PRDM15: variants seen among roughly 807,000 people sequenced by gnomAD.
PRDM15 encodes PR domain zinc finger protein 15.
Under a neutral mutation model 128.6 loss-of-function variants are expected in PRDM15, and 64 were observed. The observed-to-expected ratio is 0.50, with a 90% confidence interval of 0.41 to 0.61. The LOEUF (loss-of-function observed/expected upper bound fraction) is 0.61. Among genes scored for constraint, PRDM15 ranks in the 20% least tolerant of loss-of-function variants. The pLI is 0.00. For missense variants in PRDM15, 1,242 were observed against 1,569.1 expected (o/e 0.79, Z 3.52); for synonymous variants, 615 against 621.8 (o/e 0.99, Z 0.16).
At chr21:41,809,041 G>A (rs563147133) in intron 21 of PRDM15, among the ~76,000 whole-genome samples, 3 of 152,180 alleles carry the variant, frequency 2.0e-5, no homozygotes, top group Non-Finnish European at 4.4e-5. Context: ...CGCCGCTACC[G>A]TTTGCTTTTC....
intron 3 of PRDM15, chr21:41,858,931 C>T (rs754221450): frequency 8.7e-6 from 8 of 918,100 alleles, no homozygotes; most frequent in Non-Finnish European, 1.1e-5. Flanking sequence ...GCAGCACGTG[C>T]CAGGTACCAT....
intron 1 of PRDM15, chr21:41,867,170 C>A (rs1245585329): frequency 3.0e-6 from 2 of 675,836 alleles, no homozygotes; most frequent in Non-Finnish European, 5.1e-6. Context: ...GAGTTTTGCA[C>A]AGATTTTCTA....
chr21:41,818,581 C>G (rs1309528908), intron 18 of PRDM15, among the ~76,000 whole-genome samples: 1 of 152,160 alleles, frequency 6.6e-6, no homozygotes, highest in African/African-American at 2.4e-5. Context: ...GACCCCCTTT[C>G]TGGCCTTTTC....
intron 14 of PRDM15, 95 bp downstream of exon 14, chr21:41,823,223 C>T (rs757288953): frequency 2.0e-6 from 3 of 1,492,444 alleles, no homozygotes; most frequent in Non-Finnish European, 2.7e-6. Context: ...AGAAGCTGCC[C>T]TGCCCACAGA....
intron 1 of PRDM15, among the ~76,000 whole-genome samples, chr21:41,872,803 G>A (rs548929410): frequency 4.6e-5 from 7 of 152,302 alleles, no homozygotes; most frequent in Admixed American, 1.3e-4. Flanking sequence ...CACTGGATTC[G>A]GCTGGAAGAA....
At chr21:41,833,182 C>T (rs1170515915) in intron 11 of PRDM15, among the ~76,000 whole-genome samples, 1 of 152,196 alleles carries the variant, frequency 6.6e-6, no homozygotes, top group Non-Finnish European at 1.5e-5. Flanking sequence ...TAGCACAGTA[C>T]TTATGGTCAG....
rs538756362 is a variant in PRDM15, at chr21:41,818,297, G to A, written c.2260+1285C>T. On this transcript the variant is annotated intron_variant, in intron 18 of 23. Transcript: ENST00000398548. ...TCTGTTCAGAGAAACCACCTGTCCC[G>A]CTAAGGCAGGCAGACATTGCTACTG... is the stretch of plus-strand genomic sequence containing the variant. Among the ~76,000 whole-genome samples, 4 of 152,324 alleles carry A rather than the reference G, an allele frequency of 2.6e-5. No individual in the cohort carries two copies. The East Asian group carries it at 5.8e-4, about 22-fold the overall frequency.
At chr21:41,858,241 T>C (rs1282302589) in intron 3 of PRDM15, among the ~76,000 whole-genome samples, 1 of 152,118 alleles carries the variant, frequency 6.6e-6, no homozygotes, top group Non-Finnish European at 1.5e-5. Flanking sequence ...GAGGAAGGCA[T>C]AGGAGCCGGG....
rs143736736 is a variant in PRDM15, at chr21:41,798,284, A to G, written c.*2956T>C. ...ATCATACAACCTGATGTGACAGGAA[A>G]TACAGCCAACATCTCCAAACAGTCT... On this transcript the variant is annotated 3_prime_UTR_variant, in exon 24 of 24. Transcript: ENST00000398548. 6.6e-6 allele frequency: 1 copy of G among 152,284 alleles called. No individual in the cohort carries two copies. Among genetic ancestry groups the G allele is most frequent in the Non-Finnish European group, 1.5e-5 (1 of 68,022 alleles). The allele number at this position is 152,284 out of a possible 1,614,324, so 9.4% of individuals were successfully genotyped here.
chr21:41,843,876 G>C (rs987648160), intron 6 of PRDM15, among the ~76,000 whole-genome samples: 1 of 150,240 alleles, frequency 6.7e-6, no homozygotes, highest in South Asian at 2.1e-4. Context: ...TTGAGCCCAT[G>C]AGTTTGAGGC....
At position 41,801,044 on chromosome 21, in the gene PRDM15, T is replaced by C; in HGVS notation, c.*196A>G. 1.4e-6 allele frequency: 1 copy of C among 710,508 alleles called. No homozygotes were observed. Among genetic ancestry groups the C allele is most frequent in the South Asian group, 2.7e-5 (1 of 36,558 alleles). The allele number at this position is 710,508 out of a possible 1,614,324, so 44.0% of individuals were successfully genotyped here. ...CCCCATCCAGTTTAAAACTCTGGCC[T>C]GCCAGAGGTCCCTTCTAGAGTTAAG... On this transcript the variant is annotated 3_prime_UTR_variant, in exon 24 of 24. Transcript: ENST00000398548.
chr21:41,800,276 C>T lies in PRDM15; in HGVS notation c.*964G>A, dbSNP rs2061385351. On this transcript the variant is annotated 3_prime_UTR_variant, in exon 24 of 24. Coordinates refer to ENST00000398548, the MANE Select transcript of PRDM15 (RefSeq NM_001040424.3). ...GGCTGGGCTTCAGCCAGAATGGATA[C>T]ATTTGGATTGCAGAGAATCCTGAGA... is the stretch of plus-strand genomic sequence containing the variant. 6.6e-6 allele frequency: 1 copy of T among 152,194 alleles called. No individual in the cohort carries two copies. Among genetic ancestry groups the T allele is most frequent in the Non-Finnish European group, 1.5e-5 (1 of 68,040 alleles). The allele number at this position is 152,194 out of a possible 1,614,324, so 9.4% of individuals were successfully genotyped here.
Position 41,854,506 on chromosome 21 carries a change from C to A in PRDM15, c.538+60G>T. The A allele has an allele frequency of 6.3e-7, 1 of 1,595,530 alleles. No homozygotes were observed. Among genetic ancestry groups the A allele is most frequent in the Non-Finnish European group, 8.5e-7 (1 of 1,175,690 alleles). On this transcript the variant is annotated intron_variant, in intron 5 of 23. Coordinates refer to ENST00000398548, the MANE Select transcript of PRDM15 (RefSeq NM_001040424.3). The surrounding 1 kb of genome is among the most constrained non-coding windows in gnomAD (Gnocchi z 4.6). ...TGGGGTCAGCACAGAGCCAAGGGAC[C>A]ATAACCCCTTCGGCGAGGCACAAGG... is the stretch of plus-strand genomic sequence containing the variant.
intron 23 of PRDM15, among the ~76,000 whole-genome samples, chr21:41,802,271 G>T (rs1482142536): frequency 1.3e-5 from 2 of 152,214 alleles, no homozygotes; most frequent in African/African-American, 2.4e-5. Context: ...GACGAAGGCT[G>T]AGCAAGACAG....
At chr21:41,830,528 C>T (rs1363120563) in intron 11 of PRDM15, among the ~76,000 whole-genome samples, 1 of 151,206 alleles carries the variant, frequency 6.6e-6, no homozygotes, top group Admixed American at 6.6e-5. Flanking sequence ...ATACACACCA[C>T]ACACGAATAC....
chr21:41,834,832 G>A (rs1317992693), intron 11 of PRDM15, among the ~76,000 whole-genome samples: 2 of 152,188 alleles, frequency 1.3e-5, no homozygotes, highest in South Asian at 2.1e-4. Context: ...GGCCTCAGAC[G>A]CCCCCCAGGC....
At chr21:41,861,821 G>A in intron 1 of PRDM15, 3 of 1,586,190 alleles carry the variant, frequency 1.9e-6, no homozygotes, top group Non-Finnish European at 2.6e-6. Context: ...TGAGGCAGAG[G>A]AAAGAGAGTT....
intron 21 of PRDM15, among the ~76,000 whole-genome samples, chr21:41,806,787 A>G (rs1439675816): frequency 6.7e-6 from 1 of 149,846 alleles, no homozygotes; most frequent in Admixed American, 6.6e-5. Context: ...TTCCATCACC[A>G]TTACCACCAT....
At chr21:41,820,279 G>A (rs537962604) in intron 16 of PRDM15, 105 bp from the exon 17 acceptor site, 20 of 802,676 alleles carry the variant, frequency 2.5e-5, no homozygotes, top group Admixed American at 1.5e-4. Flanking sequence ...GCAACAAGGT[G>A]CCACGGGGAT....
Sources: allele counts gnomAD v4.1 joint callset (sites outside exome capture counted in the v4.1 genomes callset), GRCh38; gene constraint gnomAD v4.1.1; non-coding constraint Gnocchi (gnomAD v3.1); transcripts MANE v1.5; gene names NCBI Gene and HGNC (gene_info 2026-07-23, HGNC 2026-07-21).